EFCAB5: variants seen among roughly 807,000 people sequenced by gnomAD.
EFCAB5 encodes EF-hand calcium-binding domain-containing protein 5.
A neutral mutation model predicts 167.9 loss-of-function variants in EFCAB5; 131 were observed. The observed-to-expected ratio is 0.78, with a 90% CI of 0.68 to 0.90. The LOEUF (loss-of-function observed/expected upper bound fraction) is 0.90, where lower values mean the gene tolerates loss of function less well. EFCAB5 is among the 40% of genes least tolerant of loss of function. EFCAB5 has a pLI of 0.00. For missense variants in EFCAB5, 1,663 were observed against 1,745.2 expected, an observed-to-expected ratio of 0.95 and a Z score of 0.84; for synonymous variants, 574 against 602.8, an observed-to-expected ratio of 0.95 and a Z score of 0.70.
At chr17:30,043,637 C>T (rs368765031) in intron 8 of EFCAB5, among the ~76,000 whole-genome samples, 1 of 152,138 alleles carries the variant, frequency 6.6e-6, no homozygotes, top group Non-Finnish European at 1.5e-5. Context: ...ACATCACACA[C>T]GTGAAATACT....
upstream of EFCAB5, among the ~76,000 whole-genome samples, chr17:29,940,554 C>T (rs1236581664): frequency 1.3e-5 from 2 of 152,094 alleles, no homozygotes; most frequent in African/African-American, 2.4e-5. Flanking sequence ...AGATGGACAC[C>T]ATAAGCAAAG....
chr17:29,938,236 T>C (rs1367122166), upstream of EFCAB5, among the ~76,000 whole-genome samples: 1 of 152,234 alleles, frequency 6.6e-6, no homozygotes, highest in Non-Finnish European at 1.5e-5. Flanking sequence ...GTTATATTTA[T>C]ACTATAGTCT....
rs144286966 is a variant in EFCAB5, at chr17:30,058,734, T to C, written c.2581-811T>C. Among the ~76,000 whole-genome samples the C allele has an allele frequency of 9.6e-4, 146 of 152,218 alleles. 2 individuals are homozygous for C. The Middle Eastern group carries it at 0.01, about 11-fold the overall frequency. On this transcript the variant is annotated intron_variant, in intron 13 of 22. Coordinates refer to ENST00000394835, the MANE Select transcript of EFCAB5 (RefSeq NM_198529.4). Reference sequence around the variant, plus strand: ...ACATATCCCTTAGGGCCAGCTGCAGTGGCTTATGCTTGTAATTCCAGTGCT... The same window carrying C: ...ACATATCCCTTAGGGCCAGCTGCAGCGGCTTATGCTTGTAATTCCAGTGCT...
intron 1 of EFCAB5, among the ~76,000 whole-genome samples, chr17:29,935,083 G>T (rs943721838): frequency 4.6e-5 from 7 of 152,000 alleles, no homozygotes; most frequent in African/African-American, 1.7e-4. Flanking sequence ...CCTTATATTT[G>T]AAACAATTTG....
rs565760968 is a variant in EFCAB5 at position 30,013,845 on chromosome 17, C to T, written c.1044+13869C>T. On this transcript the variant is annotated intron_variant, in intron 7 of 22. Transcript: ENST00000394835. ...TTAGCTATTTCTTGCCTTCTGCTAG[C>T]TTTTGAATTTGTTTGCTCTTGCTTC... is the stretch of plus-strand genomic sequence containing the variant. 2.0e-5 allele frequency among the ~76,000 whole-genome samples: 3 copies of T among 152,308 alleles called. No homozygotes were observed. In the South Asian group the frequency reaches 6.2e-4, roughly 32 times the overall value.
chr17:30,072,555 C>T (rs2070767940), intron 14 of EFCAB5, among the ~76,000 whole-genome samples: 1 of 152,202 alleles, frequency 6.6e-6, no homozygotes, highest in African/African-American at 2.4e-5. Context: ...CTCTAAGAAA[C>T]TCTTCCATCT....
At chr17:30,026,276 C>G (rs906314144) in intron 7 of EFCAB5, among the ~76,000 whole-genome samples, 1 of 151,900 alleles carries the variant, frequency 6.6e-6, no homozygotes, top group Non-Finnish European at 1.5e-5. Flanking sequence ...TCACTTTTAA[C>G]ACTGGTGCCG....
chr17:30,019,484 C>T (rs2069123645), intron 7 of EFCAB5, among the ~76,000 whole-genome samples: 3 of 145,834 alleles, frequency 2.1e-5, no homozygotes, highest in South Asian at 4.3e-4. Context: ...TCACTCTTGT[C>T]GCCCAGGCTG....
chr17:30,106,268 T>C (rs1227578035), intron 22 of EFCAB5, among the ~76,000 whole-genome samples: 1 of 151,292 alleles, frequency 6.6e-6, no homozygotes, highest in African/African-American at 2.4e-5. Flanking sequence ...TTATTAAAGA[T>C]AATGAATAAA....
At chr17:30,040,989 C>T (rs866500737) in intron 8 of EFCAB5, among the ~76,000 whole-genome samples, 3 of 152,174 alleles carry the variant, frequency 2.0e-5, no homozygotes, top group South Asian at 2.1e-4. Context: ...ATTAGCAAAT[C>T]GGGTATCAGT....
At chr17:30,059,853 T>G (rs2151796753) in intron 14 of EFCAB5, 152 bp downstream of exon 14, 1 of 544,402 alleles carries the variant, frequency 1.8e-6, no homozygotes, top group Non-Finnish European at 2.7e-6. Flanking sequence ...TCTTATTTAT[T>G]TTTAATTTCT....
chr17:30,025,471 A>G (rs926931525), intron 7 of EFCAB5, among the ~76,000 whole-genome samples: 3 of 152,150 alleles, frequency 2.0e-5, no homozygotes, highest in African/African-American at 7.2e-5. Context: ...ACAATGAGAT[A>G]CCATCTCACA....
chr17:29,971,007 G>A (rs1452709828), intron 4 of EFCAB5, among the ~76,000 whole-genome samples: 8 of 151,038 alleles, frequency 5.3e-5, no homozygotes, highest in Non-Finnish European at 8.9e-5. Flanking sequence ...CCTGGGAGGC[G>A]GAGGCTGCAG....
intron 4 of EFCAB5, among the ~76,000 whole-genome samples, chr17:29,990,128 C>T (rs187154212): frequency 1.6e-4 from 24 of 152,220 alleles, no homozygotes; most frequent in East Asian, 5.8e-4. Flanking sequence ...TTGGGCCCTT[C>T]GCAATGCAAA....
intron 7 of EFCAB5, among the ~76,000 whole-genome samples, 178 bp downstream of exon 7, chr17:30,000,154 A>G (rs1331534669): frequency 6.6e-6 from 1 of 152,222 alleles, no homozygotes; most frequent in Admixed American, 6.5e-5. Context: ...AATTTCTTTC[A>G]ATCAGTATCA....
intron 14 of EFCAB5, among the ~76,000 whole-genome samples, chr17:30,063,060 G>C (rs959797305): frequency 6.6e-6 from 1 of 152,150 alleles, no homozygotes; most frequent in African/African-American, 2.4e-5. Context: ...TGTGTCCCAA[G>C]GAAACAGAGC....
intron 1 of EFCAB5, among the ~76,000 whole-genome samples, chr17:29,934,920 G>A: frequency 6.6e-6 from 1 of 152,004 alleles, no homozygotes; most frequent in East Asian, 1.9e-4. Flanking sequence ...TCCCTATCTT[G>A]CAATATATCT....
At chr17:30,085,613 G>C (rs1597553206) in intron 18 of EFCAB5, among the ~76,000 whole-genome samples, 1 of 152,078 alleles carries the variant, frequency 6.6e-6, no homozygotes, top group South Asian at 2.1e-4. Context: ...AGCTTCTTGG[G>C]AGGCTGAGGC....
intron 3 of EFCAB5, among the ~76,000 whole-genome samples, chr17:29,960,534 C>T (rs867542721): frequency 1.1e-4 from 16 of 152,112 alleles, no homozygotes; most frequent in African/African-American, 2.4e-4. Flanking sequence ...CCTATCAACC[C>T]GTCACCTAGG....
Sources: allele counts gnomAD v4.1 joint callset (sites outside exome capture counted in the v4.1 genomes callset), GRCh38; gene constraint gnomAD v4.1.1; transcripts MANE v1.5; gene names NCBI Gene and HGNC (gene_info 2026-07-23, HGNC 2026-07-21).